Variants in DOCK2 observed in about 807,000 individuals in gnomAD.
The protein encoded by DOCK2 is dedicator of cytokinesis protein 2.
In DOCK2, 87 loss-of-function variants were observed where a neutral mutation model predicts 248.9. The observed-to-expected ratio is 0.35, with a 90% CI of 0.29 to 0.42. DOCK2 has a LOEUF of 0.42. DOCK2 is among the 10% of genes least tolerant of loss of function. The pLI, the probability that DOCK2 is intolerant of heterozygous loss-of-function variation, is 1.00. For missense variants in DOCK2, 1,747 were observed against 2,300.2 expected (o/e 0.76, Z 4.92); for synonymous variants, 805 against 821.6 (o/e 0.98, Z 0.35).
Position 170,008,706 on chromosome 5 carries a change from G to A in DOCK2, c.3192G>A (p.Arg1064=). 6.2e-7 allele frequency: 1 copy of A among 1,614,044 alleles called. No individual in the cohort carries two copies. The highest frequency in any genetic ancestry group is 8.5e-7 in the Non-Finnish European group (1 of 1,179,986). Residue 1064 remains arginine, a synonymous_variant, in exon 32 of 52, where the codon CGG becomes CGA. Transcript: ENST00000520908. ...KILNKYGDMR[R]LIGFSIRDMW... ...CTCCTAGGTATGGGGACATGAGACG[G>A]CTAATTGGCTTCTCCATCCGTGATA...
intron 25 of DOCK2, among the ~76,000 whole-genome samples, chr5:169,787,155 C>G (rs1254663666): frequency 6.6e-6 from 1 of 152,192 alleles, no homozygotes; most frequent in Non-Finnish European, 1.5e-5. Flanking sequence ...TATTCCACTT[C>G]CGCACTCTGC....
intron 34 of DOCK2, among the ~76,000 whole-genome samples, chr5:170,030,159 A>G (rs891249786): frequency 6.6e-6 from 1 of 152,234 alleles, no homozygotes; most frequent in Admixed American, 6.5e-5. Context: ...TTATAAGCGG[A>G]TGGGGCTCTG....
intron 1 of DOCK2, among the ~76,000 whole-genome samples, chr5:169,650,622 G>A (rs1253974832): frequency 3.3e-5 from 5 of 152,200 alleles, no homozygotes; most frequent in African/African-American, 9.6e-5. Context: ...GTTGCTAGAA[G>A]TTCCATCTGC....
Position 169,837,545 on chromosome 5 carries a change from A to G in DOCK2, c.2704-3212A>G, listed in dbSNP as rs1329382717. Among the ~76,000 whole-genome samples, 3 of 152,284 alleles carry G rather than the reference A, an allele frequency of 2.0e-5. No homozygotes were observed. In the East Asian group the frequency reaches 5.8e-4, roughly 29 times the overall value. The stretch of plus-strand genomic sequence containing the variant: ...CAGAGAGCTGATGCAAACCAAGGGG[A>G]ACGTGAGTTGCAGCCACCACTTACT... On this transcript the variant is annotated intron_variant, in intron 26 of 51. Coordinates refer to ENST00000520908, the MANE Select transcript of DOCK2 (RefSeq NM_004946.3).
intron 23 of DOCK2, among the ~76,000 whole-genome samples, chr5:169,757,475 G>C (rs113346796): frequency 3.2e-4 from 48 of 152,204 alleles, no homozygotes; most frequent in African/African-American, 1.1e-3. Context: ...GGGACAAGAG[G>C]CTCCAATAGA....
At chr5:169,716,007 C>T (rs1297017019) in intron 19 of DOCK2, among the ~76,000 whole-genome samples, 1 of 152,182 alleles carries the variant, frequency 6.6e-6, no homozygotes, top group African/African-American at 2.4e-5. Flanking sequence ...AACATGCCAC[C>T]ATCTGTGCAT....
intron 41 of DOCK2, among the ~76,000 whole-genome samples, chr5:170,053,751 G>A (rs1561899893): frequency 6.6e-6 from 1 of 152,214 alleles, no homozygotes; most frequent in Non-Finnish European, 1.5e-5. Flanking sequence ...GGCAGAAACA[G>A]GCATCAGAAG....
At chr5:169,754,220 G>A (rs1002242004) in intron 23 of DOCK2, among the ~76,000 whole-genome samples, 1 of 152,146 alleles carries the variant, frequency 6.6e-6, no homozygotes, top group Non-Finnish European at 1.5e-5. Context: ...GTCTGGTTTT[G>A]ATTTTTGTTG....
chr5:169,772,497 T>C (rs1435552270), intron 25 of DOCK2, among the ~76,000 whole-genome samples: 1 of 152,226 alleles, frequency 6.6e-6, no homozygotes, highest in African/African-American at 2.4e-5. Context: ...TGACTGCTTA[T>C]TATGCACTGG....
intron 9 of DOCK2, among the ~76,000 whole-genome samples, chr5:169,690,164 TCCTGAGTAGCTGGAATTACA>T (rs1760208769): frequency 6.6e-6 from 1 of 151,544 alleles, no homozygotes; most frequent in South Asian, 2.1e-4. Flanking sequence ...TGCCTCAGCC[TCCTGAGTAGCTGGAATTACA>T]GGTGTGAGCC....
intron 25 of DOCK2, among the ~76,000 whole-genome samples, chr5:169,766,388 A>C (rs1374466964): frequency 6.6e-6 from 1 of 152,200 alleles, no homozygotes; most frequent in East Asian, 1.9e-4. Context: ...AGTGCTCTGC[A>C]AAAGTATGTG....
At chr5:169,669,220 A>C (rs1758903235) in intron 2 of DOCK2, 68 bp from the exon 3 acceptor site, 1 of 1,604,482 alleles carries the variant, frequency 6.2e-7, no homozygotes, top group Non-Finnish European at 8.5e-7. Flanking sequence ...AAACAAAACA[A>C]AACAGAAAAA....
intron 27 of DOCK2, among the ~76,000 whole-genome samples, chr5:169,901,440 C>A (rs1773917867): frequency 6.6e-6 from 1 of 151,994 alleles, no homozygotes; most frequent in South Asian, 2.1e-4. Flanking sequence ...TGTGGGCATG[C>A]ATGCGTGCAT....
intron 26 of DOCK2, among the ~76,000 whole-genome samples, chr5:169,839,694 A>G (rs1036736587): frequency 1.3e-5 from 2 of 152,188 alleles, no homozygotes; most frequent in Non-Finnish European, 2.9e-5. Flanking sequence ...AACCTGACTC[A>G]CTGTAAATTT....
At chr5:170,000,769 C>T (rs2113802384) in intron 30 of DOCK2, among the ~76,000 whole-genome samples, 1 of 152,310 alleles carries the variant, frequency 6.6e-6, no homozygotes, top group East Asian at 1.9e-4. Context: ...GCCATTTCTG[C>T]CTAGGCCTTG....
intron 32 of DOCK2, among the ~76,000 whole-genome samples, chr5:170,013,396 G>C (rs1755383335): frequency 6.6e-6 from 1 of 152,064 alleles, no homozygotes; most frequent in Non-Finnish European, 1.5e-5. Flanking sequence ...GTGTGATAAA[G>C]TTAAAGATCT....
At chr5:169,666,381 T>C (rs767961348) in intron 2 of DOCK2, among the ~76,000 whole-genome samples, 3 of 152,194 alleles carry the variant, frequency 2.0e-5, no homozygotes, top group Non-Finnish European at 4.4e-5. Flanking sequence ...GTGAATTTTA[T>C]GTTAAAGAAA....
intron 27 of DOCK2, among the ~76,000 whole-genome samples, chr5:169,962,131 A>G (rs1394060019): frequency 5.3e-5 from 8 of 152,014 alleles, no homozygotes; most frequent in Non-Finnish European, 1.2e-4. Flanking sequence ...GGCTAAGTAG[A>G]GATGTGAGTA....
chr5:169,867,381 G>A (rs1396671956), intron 27 of DOCK2, among the ~76,000 whole-genome samples: 5 of 152,118 alleles, frequency 3.3e-5, no homozygotes, highest in Non-Finnish European at 4.4e-5. Context: ...TGGGAGTTAT[G>A]AGCCAGGAAC....
Sources: gnomAD v4.1 joint callset for allele counts (sites outside exome capture counted in the v4.1 genomes callset) on GRCh38, gnomAD v4.1.1 for gene constraint, MANE v1.5 for transcripts, NCBI Gene and HGNC (gene_info 2026-07-23, HGNC 2026-07-21) for gene names.